The following DYNC1I1 variants were observed in gnomAD, a reference collection of about 807,000 sequenced individuals.
DYNC1I1 encodes the protein cytoplasmic dynein 1 intermediate chain 1.
A neutral mutation model predicts 86.6 loss-of-function variants in DYNC1I1; 43 were observed. The observed-to-expected ratio is 0.50, with a 90% CI of 0.39 to 0.64. The LOEUF is 0.64. Among genes scored for constraint, DYNC1I1 ranks in the 30% least tolerant of loss-of-function variants. The pLI is 0.00. For missense variants in DYNC1I1, 604 were observed against 788.8 expected (o/e 0.77, Z 2.81); for synonymous variants, 262 against 283.7 (o/e 0.92, Z 0.77).
intron 14 of DYNC1I1, among the ~76,000 whole-genome samples, chr7:96,068,602 GA>G (rs2116212562): frequency 6.6e-6 from 1 of 152,208 alleles, no homozygotes; most frequent in South Asian, 2.1e-4. Flanking sequence ...TACATTTCTT[GA>G]AAAACATAAA....
intron 10 of DYNC1I1, among the ~76,000 whole-genome samples, chr7:96,005,025 C>T (rs1047698823): frequency 6.6e-6 from 1 of 152,018 alleles, no homozygotes; most frequent in Non-Finnish European, 1.5e-5. Flanking sequence ...ATAAAATTAA[C>T]CAAGAAAAAG....
chr7:96,064,081 C>CA (rs1789878207), intron 14 of DYNC1I1, among the ~76,000 whole-genome samples: 1 of 152,188 alleles, frequency 6.6e-6, no homozygotes, highest in South Asian at 2.1e-4. Context: ...CTGACTGGTG[C>CA]AGGGTATTTA....
intron 6 of DYNC1I1, among the ~76,000 whole-genome samples, chr7:95,893,257 A>C (rs531552646): frequency 7.2e-4 from 110 of 152,338 alleles, no homozygotes; most frequent in Non-Finnish European, 1.0e-3. Flanking sequence ...AGTTTGAGAA[A>C]TATAAATAAG....
intron 6 of DYNC1I1, among the ~76,000 whole-genome samples, chr7:95,880,408 C>T (rs974447315): frequency 2.0e-5 from 3 of 152,118 alleles, no homozygotes; most frequent in African/African-American, 7.2e-5. Context: ...TTTGGATAAA[C>T]GACCCGGGCA....
At chr7:95,813,106 T>TTTCTTTTTCCCA in intron 3 of DYNC1I1, 141 bp from the exon 4 acceptor site, 2 of 1,413,174 alleles carry the variant, frequency 1.4e-6, no homozygotes, top group South Asian at 1.5e-5. Context: ...TTTTTTTTTT[T>TTTCTTTTTCCCA]TCTTTATCCC....
intron 16 of DYNC1I1, among the ~76,000 whole-genome samples, chr7:96,085,489 T>C (rs1584310493): frequency 1.3e-5 from 2 of 152,186 alleles, no homozygotes; most frequent in African/African-American, 4.8e-5. Context: ...GCTGTGTTTA[T>C]ATAGCACACA....
At chr7:95,887,726 A>G (rs923095109) in intron 6 of DYNC1I1, among the ~76,000 whole-genome samples, 9 of 152,192 alleles carry the variant, frequency 5.9e-5, no homozygotes, top group Non-Finnish European at 1.0e-4. Flanking sequence ...ATTTCTGATG[A>G]TGCTTGAATT....
chr7:95,911,940 A>G (rs535230134), intron 6 of DYNC1I1, among the ~76,000 whole-genome samples: 1 of 152,216 alleles, frequency 6.6e-6, no homozygotes, highest in Non-Finnish European at 1.5e-5. Context: ...AGCATGCCCT[A>G]ATCTGCAGGA....
chr7:95,869,667 T>C (rs1790109594), intron 5 of DYNC1I1, among the ~76,000 whole-genome samples: 2 of 152,194 alleles, frequency 1.3e-5, no homozygotes, highest in South Asian at 4.1e-4. Context: ...GAGGGTCTTA[T>C]CTGACATCAC....
chr7:96,026,829 C>G (rs182922320), intron 10 of DYNC1I1, among the ~76,000 whole-genome samples: 33 of 152,242 alleles, frequency 2.2e-4, no homozygotes, highest in Admixed American at 1.0e-3. Context: ...TCCTCTCCCC[C>G]TCCCTAACTA....
At chr7:95,824,615 A>T (rs559174358) in intron 4 of DYNC1I1, among the ~76,000 whole-genome samples, 24 of 152,368 alleles carry the variant, frequency 1.6e-4, no homozygotes, top group African/African-American at 5.5e-4. Context: ...TAACTGGAGA[A>T]GAGAAAGCTA....
At chr7:95,913,422 C>T (rs920576426) in intron 6 of DYNC1I1, among the ~76,000 whole-genome samples, 2 of 152,124 alleles carry the variant, frequency 1.3e-5, no homozygotes, top group Non-Finnish European at 2.9e-5. Context: ...ACCCCAGGTG[C>T]CATGGATGGG....
At chr7:95,836,377 C>G (rs541796945) in intron 5 of DYNC1I1, among the ~76,000 whole-genome samples, 39 of 151,996 alleles carry the variant, frequency 2.6e-4, no homozygotes, top group African/African-American at 7.7e-4. Context: ...GTAACCCGAC[C>G]TTTCTCTCTG....
In DYNC1I1 at chr7:95,950,168, C is replaced by T. The variant is rs112323724; in HGVS notation, c.491-27344C>T. 5.3e-3 allele frequency among the ~76,000 whole-genome samples: 809 copies of T among 152,264 alleles called. 9 individuals carry two copies. The highest frequency in any genetic ancestry group is 8.8e-3 in the Non-Finnish European group (597 of 68,022). On this transcript the variant is annotated intron_variant, in intron 6 of 16. Transcript: ENST00000447467. The stretch of plus-strand genomic sequence containing the variant: ...CATAAAAGAAATGTGAAAAACGAGC[C>T]TTGCGAAAACACAGGTGCCCTGAGA...
At chr7:95,919,417 CAG>C (rs1312850320) in intron 6 of DYNC1I1, among the ~76,000 whole-genome samples, 1 of 152,134 alleles carries the variant, frequency 6.6e-6, no homozygotes, top group Non-Finnish European at 1.5e-5. Context: ...ATTTCACAAA[CAG>C]AGTTAATCAC....
chr7:96,000,106 T>C (rs1386373035), intron 10 of DYNC1I1, among the ~76,000 whole-genome samples: 1 of 152,192 alleles, frequency 6.6e-6, no homozygotes, highest in Admixed American at 6.5e-5. Context: ...GCTTTTCTCT[T>C]GGCTAGGCTA....
At chr7:95,787,729 C>T (rs1210253687) in intron 1 of DYNC1I1, among the ~76,000 whole-genome samples, 1 of 151,930 alleles carries the variant, frequency 6.6e-6, no homozygotes, top group African/African-American at 2.4e-5. Context: ...AAAGGAGAGA[C>T]AAACAACAAA....
At chr7:95,891,011 T>C (rs147567754) in intron 6 of DYNC1I1, among the ~76,000 whole-genome samples, 10 of 152,318 alleles carry the variant, frequency 6.6e-5, no homozygotes, top group African/African-American at 2.2e-4. Flanking sequence ...TGTTTAAAGA[T>C]AGGGTCCTTA....
At chr7:95,916,797 A>C (rs1017386787) in intron 6 of DYNC1I1, among the ~76,000 whole-genome samples, 3 of 152,182 alleles carry the variant, frequency 2.0e-5, no homozygotes, top group African/African-American at 7.2e-5. Context: ...CTTTTTAGAA[A>C]ACTGCTCACA....
Sources: allele counts gnomAD v4.1 joint callset (sites outside exome capture counted in the v4.1 genomes callset), GRCh38; gene constraint gnomAD v4.1.1; transcripts MANE v1.5; gene names NCBI Gene and HGNC (gene_info 2026-07-23, HGNC 2026-07-21).